The following FBXL18 variants were observed in gnomAD, a reference collection of about 807,000 sequenced individuals.
FBXL18 encodes the protein F-box/LRR-repeat protein 18.
FBXL18 carries 36 observed loss-of-function variants against 46.0 expected under a neutral mutation model. That is an observed-to-expected ratio of 0.78 (90% confidence interval 0.60 to 1.03). The LOEUF is 1.03. Among genes scored for constraint, FBXL18 ranks in the 50% least tolerant of loss-of-function variants. FBXL18 has a pLI of 0.00. For synonymous variants in FBXL18, 557 were observed against 465.3 expected (o/e 1.20, Z -2.54); for missense variants, 977 against 1,004.1 (o/e 0.97, Z 0.36).
At chr7:5,493,922 T>C (rs1190680091) in intron 3 of FBXL18, among the ~76,000 whole-genome samples, 6 of 150,532 alleles carry the variant, frequency 4.0e-5, no homozygotes, top group Admixed American at 6.6e-5. Flanking sequence ...TCACCTGAGG[T>C]CAGGAGTTCG....
intron 3 of FBXL18, among the ~76,000 whole-genome samples, chr7:5,498,953 T>C (rs1562698675): frequency 6.6e-6 from 1 of 152,208 alleles, no homozygotes; most frequent in Non-Finnish European, 1.5e-5. Flanking sequence ...TCTTATTCCT[T>C]AAATACTAGG....
At position 5,467,930 on chromosome 7, in the gene FBXL18, G is replaced by T. The variant is rs1783366366; in HGVS notation, c.2001-20087C>A. Among the ~76,000 whole-genome samples the T allele has an allele frequency of 2.0e-5, 3 of 152,174 alleles. No homozygotes were observed. The South Asian group carries it at 6.2e-4, about 32-fold the overall frequency. ...ATGGAGGAACCCAAGAGGCTGCACTGCGTGTGTGAGCAGAAAAGCAGGACC... is the reference window on the plus strand; with the variant it reads ...ATGGAGGAACCCAAGAGGCTGCACTTCGTGTGTGAGCAGAAAAGCAGGACC... On this transcript the variant is annotated intron_variant and NMD_transcript_variant, in intron 4 of 6. Coordinates refer to the FBXL18 transcript ENST00000415009.
chr7:5,503,512 C>A (rs1338013866), intron 2 of FBXL18, among the ~76,000 whole-genome samples: 1 of 125,602 alleles, frequency 8.0e-6, no homozygotes, highest in Non-Finnish European at 1.6e-5. Context: ...TGCCACCATG[C>A]CATGCTCATT....
At chr7:5,463,715 TATTTATTTA>T (rs1783292763) in intron 4 of FBXL18, among the ~76,000 whole-genome samples, 1 of 70,842 alleles carries the variant, frequency 1.4e-5, no homozygotes, top group South Asian at 5.4e-4. Flanking sequence ...TTTATTTATT[TATTTATTTA>T]TTTATTTTTT....
intron 1 of FBXL18, among the ~76,000 whole-genome samples, chr7:5,507,749 G>A (rs538279605): frequency 4.0e-5 from 6 of 151,762 alleles, no homozygotes; most frequent in African/African-American, 1.5e-4. Context: ...CAGGAGAATC[G>A]CTTGAACCCC....
intron 3 of FBXL18, among the ~76,000 whole-genome samples, chr7:5,499,762 CA>C (rs1383936911): frequency 1.4e-5 from 2 of 139,756 alleles, no homozygotes; most frequent in Non-Finnish European, 3.1e-5. Flanking sequence ...AAAAAAAAAG[CA>C]AAGATGGAGG....
chr7:5,487,015 C>A (rs1783794118), intron 4 of FBXL18, among the ~76,000 whole-genome samples: 1 of 152,272 alleles, frequency 6.6e-6, no homozygotes, highest in Non-Finnish European at 1.5e-5. Context: ...GCGCCCAGGG[C>A]GCAAAGCAGG....
At chr7:5,486,736 G>A (rs1183860388) in intron 4 of FBXL18, among the ~76,000 whole-genome samples, 3 of 152,196 alleles carry the variant, frequency 2.0e-5, no homozygotes, top group African/African-American at 2.4e-5. Context: ...AGACAGGAGG[G>A]TGATGGCCAT....
At chr7:5,485,486 C>T (rs1210787678) in intron 4 of FBXL18, among the ~76,000 whole-genome samples, 10 of 152,236 alleles carry the variant, frequency 6.6e-5, no homozygotes. Context: ...GCTGCAGACA[C>T]ATTACCCATC....
At chr7:5,482,045 G>A in intron 4 of FBXL18, 114 bp from the exon 5 acceptor site, 1 of 1,296,272 alleles carries the variant, frequency 7.7e-7, no homozygotes, top group Non-Finnish European at 1.1e-6. Context: ...GGCTCACCTG[G>A]GGCTCCCAGA....
intron 2 of FBXL18, 38 bp from the exon 3 acceptor site, chr7:5,502,069 G>C: frequency 6.9e-7 from 1 of 1,459,812 alleles, no homozygotes; most frequent in Non-Finnish European, 9.3e-7. Flanking sequence ...GGAAGGAAAG[G>C]GCTGAAGGCA....
Position 5,478,690 on chromosome 7 carries a change from ACT to A in FBXL18, c.*3083_*3084del, listed in dbSNP as rs1335827475. The A allele has an allele frequency of 6.6e-6, 1 of 152,422 alleles. No individual in the cohort carries two copies. The highest frequency in any genetic ancestry group is 2.4e-5 in the African/African-American group (1 of 41,386). The allele number at this position is 152,422 out of a possible 1,614,324, so 9.4% of individuals were successfully genotyped here. On this transcript the variant is annotated 3_prime_UTR_variant, in exon 5 of 5. Coordinates refer to ENST00000382368, the MANE Select transcript of FBXL18 (RefSeq NM_024963.6). ...CTCACATACACACACGGAAGACGTGACTCACACACACATGCACACACAGGGCA... is the reference window on the plus strand; with the variant it reads ...CTCACATACACACACGGAAGACGTGACACACACACATGCACACACAGGGCA...
At chr7:5,486,087 AAAT>A (rs1189399395) in intron 4 of FBXL18, among the ~76,000 whole-genome samples, 3 of 150,086 alleles carry the variant, frequency 2.0e-5, no homozygotes, top group Non-Finnish European at 4.4e-5. Context: ...ATAAATAAAT[AAAT>A]AAATAAATAA....
intron 4 of FBXL18, among the ~76,000 whole-genome samples, chr7:5,487,295 G>C (rs1056028020): frequency 1.3e-5 from 2 of 152,264 alleles, no homozygotes; most frequent in Admixed American, 6.5e-5. Context: ...GTCCGTGGAC[G>C]GGGCCTCTCC....
chr7:5,497,094 G>A (rs910001556), intron 3 of FBXL18, among the ~76,000 whole-genome samples: 5 of 150,884 alleles, frequency 3.3e-5, no homozygotes, highest in Non-Finnish European at 5.9e-5. Flanking sequence ...CCAGCTACTC[G>A]GGAGGCTGAG....
At position 5,480,550 on chromosome 7, in the gene FBXL18, T is replaced by TATATATATA. The variant is rs1783617939; in HGVS notation, c.*1224_*1225insTATATATAT. On this transcript the variant is annotated 3_prime_UTR_variant, in exon 5 of 5. Coordinates refer to ENST00000382368, the MANE Select transcript of FBXL18 (RefSeq NM_024963.6). ...TGAATATATATATATATATATATAT[T>TATATATATA]TTTTTTTTTTTTTTTTTTTTTTTTT... 2 of 28,206 alleles carry TATATATATA rather than the reference T, an allele frequency of 7.1e-5. No individual in the cohort carries two copies. Among genetic ancestry groups the TATATATATA allele is most frequent in the African/African-American group, 3.0e-4 (2 of 6,634 alleles). 1.7% of individuals were successfully genotyped at this position (28,206 alleles called of 1,614,324 possible).
downstream of FBXL18, among the ~76,000 whole-genome samples, chr7:5,475,440 CT>C (rs1022034555): frequency 1.3e-5 from 2 of 152,242 alleles, no homozygotes; most frequent in Non-Finnish European, 2.9e-5. The surrounding 1 kb of genome is among the most constrained non-coding windows in gnomAD (Gnocchi z 4.2). Context: ...GCTGTCTGAG[CT>C]GCCACCAGAC....
At chr7:5,495,791 C>T (rs370913198) in intron 3 of FBXL18, 12 of 473,104 alleles carry the variant, frequency 2.5e-5, no homozygotes, top group Middle Eastern at 3.3e-4. Flanking sequence ...GCTCCCTTGC[C>T]GCAGAAGGCA....
intron 4 of FBXL18, among the ~76,000 whole-genome samples, chr7:5,488,124 G>C (rs1238855678): frequency 3.3e-5 from 5 of 152,250 alleles, no homozygotes; most frequent in African/African-American, 1.2e-4. Context: ...ACCGGGGAAC[G>C]CAAAGAGCTT....
Sources: allele counts gnomAD v4.1 joint callset (sites outside exome capture counted in the v4.1 genomes callset), GRCh38; gene constraint gnomAD v4.1.1; non-coding constraint Gnocchi (gnomAD v3.1); transcripts MANE v1.5; gene names NCBI Gene and HGNC (gene_info 2026-07-23, HGNC 2026-07-21).